Variants in URM1 observed in about 807,000 individuals in gnomAD.
The protein encoded by URM1 is ubiquitin related modifier 1.
Under a neutral mutation model 17.7 loss-of-function variants are expected in URM1, and 11 were observed. The observed-to-expected ratio is 0.62, with a 90% CI of 0.39 to 1.03. URM1 has a LOEUF of 1.03. Among genes scored for constraint, URM1 ranks in the 50% least tolerant of loss-of-function variants. URM1 has a pLI of 0.00. For synonymous variants in URM1, 48 were observed against 50.6 expected (o/e 0.95, Z 0.22); for missense variants, 128 against 129.2 (o/e 0.99, Z 0.04).
chr9:128,380,849 T>G (rs1246705656), intron 2 of URM1, among the ~76,000 whole-genome samples: 1 of 151,668 alleles, frequency 6.6e-6, no homozygotes, highest in African/African-American at 2.4e-5. Context: ...TTTTGAGACG[T>G]AGTCTCGCTC....
At chr9:128,377,907 T>A in intron 1 of URM1, 129 bp from the exon 2 acceptor site, 1 of 869,378 alleles carries the variant, frequency 1.2e-6, no homozygotes, top group Non-Finnish European at 1.9e-6. Context: ...ACCCAAGGTG[T>A]TTCTGCACCT....
intron 1 of URM1, among the ~76,000 whole-genome samples, chr9:128,376,465 C>T (rs1188173448): frequency 1.3e-5 from 2 of 151,300 alleles, no homozygotes; most frequent in African/African-American, 4.9e-5. Flanking sequence ...CAAGACCAGC[C>T]TGGCCACAAT....
chr9:128,378,120 T>C lies in URM1; in HGVS notation c.106+14T>C, dbSNP rs773298531. 3.8e-6 allele frequency: 6 copies of C among 1,579,694 alleles called. No individual in the cohort carries two copies. In the Admixed American group the frequency reaches 8.6e-5, roughly 23 times the overall value. ...AGGAGGAACCCTGTGAGTATTGGCT[T>C]TCTGAACCCCTCTCTTGGGGCCATT... On this transcript the variant is annotated intron_variant, in intron 2 of 4. Coordinates refer to ENST00000372853, the MANE Select transcript of URM1 (RefSeq NM_030914.4).
Position 128,389,429 on chromosome 9 carries a change from C to G in URM1, c.237+120C>G. The G allele has an allele frequency of 1.3e-6, 2 of 1,593,624 alleles. No homozygotes were observed. Among genetic ancestry groups the G allele is most frequent in the East Asian group, 4.6e-5 (2 of 43,948 alleles). ...TGGGTAATCCTCCGCCCCACTCCAG[C>G]CCCACACTGAGGCTGCTGGAGTCTC... is the stretch of plus-strand genomic sequence containing the variant. On this transcript the variant is annotated intron_variant, in intron 4 of 4. Coordinates refer to ENST00000372853, the MANE Select transcript of URM1 (RefSeq NM_030914.4).
intron 2 of URM1, among the ~76,000 whole-genome samples, chr9:128,383,612 G>A (rs1211246563): frequency 6.6e-6 from 1 of 152,184 alleles, no homozygotes; most frequent in Non-Finnish European, 1.5e-5. Context: ...GGGAATGACA[G>A]GAAGACAGAT....
chr9:128,390,606 C>G lies in URM1; in HGVS notation c.*872C>G, dbSNP rs1764071858. 6.6e-6 allele frequency: 1 copy of G among 152,456 alleles called. No individual in the cohort carries two copies. Among genetic ancestry groups the G allele is most frequent in the Admixed American group, 6.5e-5 (1 of 15,282 alleles). 9.4% of individuals were successfully genotyped at this position (152,456 alleles called of 1,614,324 possible). A position where few individuals can be genotyped will look rare whatever the true frequency, so the allele number is the denominator to read the frequency against. Reference sequence around the variant, plus strand: ...CTCCCTTCCCACCTCCTGCAGGAAGCAGGACGGGGCAGGCAGCACCTGGTA... The same window carrying G: ...CTCCCTTCCCACCTCCTGCAGGAAGGAGGACGGGGCAGGCAGCACCTGGTA... On this transcript the variant is annotated 3_prime_UTR_variant, in exon 5 of 5. Transcript: ENST00000372853.
intron 2 of URM1, among the ~76,000 whole-genome samples, chr9:128,385,992 G>T (rs919184125): frequency 2.0e-5 from 3 of 152,168 alleles, no homozygotes; most frequent in Admixed American, 6.5e-5. Flanking sequence ...CTCCATGCTG[G>T]TGCCATCGTT....
chr9:128,380,253 G>T (rs1833141237), intron 2 of URM1, among the ~76,000 whole-genome samples: 1 of 152,218 alleles, frequency 6.6e-6, no homozygotes, highest in South Asian at 2.1e-4. Flanking sequence ...ACTGGCTGCC[G>T]CACCTCTCTG....
In URM1 at chr9:128,378,025, C is replaced by T. The variant is rs756402495; in HGVS notation, c.36-11C>T. On this transcript the variant is annotated splice_polypyrimidine_tract_variant and intron_variant, in intron 1 of 4. Coordinates refer to ENST00000372853, the MANE Select transcript of URM1 (RefSeq NM_030914.4). ...CACCTGGCTGTCTTTTTCTCTGGTCCTCCTTTGCAGAGGTGGTGCGGAGCT... is the reference window on the plus strand; with the variant it reads ...CACCTGGCTGTCTTTTTCTCTGGTCTTCCTTTGCAGAGGTGGTGCGGAGCT... The T allele has an allele frequency of 6.8e-6, 11 of 1,610,732 alleles. No individual in the cohort carries two copies. Among genetic ancestry groups the T allele is most frequent in the South Asian group, 1.1e-5 (1 of 90,464 alleles).
rs73669903 is a variant in URM1, at chr9:128,380,261, C to T, written c.106+2155C>T. 4.0e-3 allele frequency among the ~76,000 whole-genome samples: 604 copies of T among 152,328 alleles called. 4 individuals are homozygous for T. The highest frequency in any genetic ancestry group is 0.014 in the African/African-American group (583 of 41,568). On this transcript the variant is annotated intron_variant, in intron 2 of 4. Coordinates refer to ENST00000372853, the MANE Select transcript of URM1 (RefSeq NM_030914.4). ...CAGATTCACTGGCTGCCGCACCTCTCTGTCCCTCCCTCAGGTTGGAGAGCA... is the reference window on the plus strand; with the variant it reads ...CAGATTCACTGGCTGCCGCACCTCTTTGTCCCTCCCTCAGGTTGGAGAGCA...
intron 1 of URM1, among the ~76,000 whole-genome samples, chr9:128,377,389 T>C (rs1035466826): frequency 2.6e-5 from 4 of 152,118 alleles, no homozygotes; most frequent in Non-Finnish European, 4.4e-5. Flanking sequence ...TAACCTGATA[T>C]GGGCCAGGCG....
chr9:128,375,608 G>A (rs990398051), intron 1 of URM1, among the ~76,000 whole-genome samples: 1 of 152,118 alleles, frequency 6.6e-6, no homozygotes, highest in African/African-American at 2.4e-5. Flanking sequence ...CGCCCAGGCT[G>A]CAGTACAGTG....
Position 128,389,319 on chromosome 9 carries a change from T to C in URM1, c.237+10T>C. ...CGACTGGGAGCTACTGGTCAGTACC[T>C]TGGGGGACATCCCTCCCCCAGCCCC... is the stretch of plus-strand genomic sequence containing the variant. On this transcript the variant is annotated intron_variant, in intron 4 of 4. Transcript: ENST00000372853. 1.9e-6 allele frequency: 3 copies of C among 1,613,882 alleles called. No homozygotes were observed. The highest frequency in any genetic ancestry group is 2.5e-6 in the Non-Finnish European group (3 of 1,179,962).
chr9:128,376,615 C>T (rs557417184), intron 1 of URM1, among the ~76,000 whole-genome samples: 4 of 152,052 alleles, frequency 2.6e-5, no homozygotes, highest in African/African-American at 9.7e-5. Context: ...GAGCCAAGAT[C>T]GCACTACTGC....
At chr9:128,374,846 G>T (rs751752933) in intron 1 of URM1, among the ~76,000 whole-genome samples, 9 of 152,230 alleles carry the variant, frequency 5.9e-5, no homozygotes, top group Non-Finnish European at 8.8e-5. Flanking sequence ...AAGAGCCCTG[G>T]CGCTCATCTC....
chr9:128,373,359 A>C (rs1391075581), intron 1 of URM1, among the ~76,000 whole-genome samples: 1 of 152,154 alleles, frequency 6.6e-6, no homozygotes, highest in Non-Finnish European at 1.5e-5. Flanking sequence ...CTTAGCAGAC[A>C]TGATTCACCC....
At chr9:128,379,294 A>C (rs1833126025) in intron 2 of URM1, among the ~76,000 whole-genome samples, 1 of 151,896 alleles carries the variant, frequency 6.6e-6, no homozygotes, top group Non-Finnish European at 1.5e-5. Context: ...ATCCTGATCA[A>C]CATGATGAAA....
Position 128,389,702 on chromosome 9 carries a change from G to A in URM1, c.274G>A (p.Val92Ile), listed in dbSNP as rs150966477. The change falls in exon 5 of 5, where the codon GTC becomes ATC. Residue 92 changes from valine (V) to isoleucine (I), a missense_variant. By Grantham distance (29) the Val-to-Ile change is conservative (BLOSUM62 3). Transcript: ENST00000372853. ...LDYQLQDQDS[V>I]LFISTLHGG ...CTACCAGCTTCAGGACCAGGACAGC[G>A]TCCTCTTCATCTCCACTCTGCACGG... The A allele has an allele frequency of 5.6e-4, 899 of 1,613,548 alleles. 4 individuals carry two copies. In the African/African-American group the frequency reaches 0.011, roughly 19 times the overall value.
At chr9:128,381,552 T>C (rs1833159826) in intron 2 of URM1, among the ~76,000 whole-genome samples, 1 of 152,100 alleles carries the variant, frequency 6.6e-6, no homozygotes, top group Non-Finnish European at 1.5e-5. Context: ...CAAAAATAGC[T>C]GGGCATGGTG....
Sources: gnomAD v4.1 joint callset for allele counts (sites outside exome capture counted in the v4.1 genomes callset) on GRCh38, gnomAD v4.1.1 for gene constraint, MANE v1.5 for transcripts, NCBI Gene and HGNC (gene_info 2026-07-23, HGNC 2026-07-21) for gene names.